Variants in USP7 observed in about 807,000 individuals in gnomAD.
USP7 encodes the protein ubiquitin specific peptidase 7, also known as ubiquitin C-terminal hydrolase 7.
In USP7, 9 loss-of-function variants were observed where a neutral mutation model predicts 162.9. The ratio of observed to expected loss-of-function variants is 0.06; its 90% CI spans 0.03 to 0.10. USP7 has a LOEUF of 0.10. USP7 is among the 10% of genes least tolerant of loss of function. USP7 has a pLI of 1.00. For synonymous variants in USP7, 562 were observed against 475.9 expected (o/e 1.18, Z -2.35); for missense variants, 715 against 1,373.7 (o/e 0.52, Z 7.58).
Position 8,930,410 on chromosome 16 carries a change from A to G in USP7, c.80-13T>C. On this transcript the variant is annotated splice_polypyrimidine_tract_variant and intron_variant, in intron 1 of 30. Coordinates refer to ENST00000344836, the MANE Select transcript of USP7 (RefSeq NM_003470.3). ...TCTGTATCTCCCGCTTTAAAGAAGA[A>G]AAAGAAATTCCACGGGTTTTACATT... The G allele has an allele frequency of 6.3e-7, 1 of 1,594,176 alleles. No individual in the cohort carries two copies. The highest frequency in any genetic ancestry group is 8.5e-7 in the Non-Finnish European group (1 of 1,169,742).
intron 1 of USP7, among the ~76,000 whole-genome samples, chr16:8,933,112 G>C (rs554953059): frequency 3.5e-4 from 53 of 152,168 alleles, no homozygotes; most frequent in African/African-American, 1.2e-3. Flanking sequence ...GGCTAATTTT[G>C]TATTTTTAGT....
At chr16:8,959,679 A>C (rs1264458139) in intron 1 of USP7, among the ~76,000 whole-genome samples, 2 of 152,244 alleles carry the variant, frequency 1.3e-5, no homozygotes, top group African/African-American at 4.8e-5. Flanking sequence ...TGCTATTTGA[A>C]AGAATCTTCT....
intron 2 of USP7, among the ~76,000 whole-genome samples, chr16:8,928,769 T>C (rs558767214): frequency 6.6e-6 from 1 of 152,310 alleles, no homozygotes; most frequent in East Asian, 1.9e-4. Flanking sequence ...GCATTTCCAC[T>C]TTCGGGTCCT....
chr16:8,897,699 A>C (rs11075008), intron 25 of USP7, among the ~76,000 whole-genome samples: 2,784 of 24,468 alleles, frequency 0.11, 86 homozygotes, highest in East Asian at 0.15. Flanking sequence ...CTGTCTCTAC[A>C]AAAAAAAAAA....
intron 12 of USP7, among the ~76,000 whole-genome samples, chr16:8,907,414 C>A (rs1444072387): frequency 6.6e-6 from 1 of 152,208 alleles, no homozygotes; most frequent in Non-Finnish European, 1.5e-5. Context: ...GATTTGATTA[C>A]ACTCTCCCTT....
intron 1 of USP7, among the ~76,000 whole-genome samples, chr16:8,937,964 T>A (rs1898843281): frequency 6.6e-6 from 1 of 152,102 alleles, no homozygotes; most frequent in Non-Finnish European, 1.5e-5. Context: ...ATTTCATGAA[T>A]CAGTAACTCC....
At chr16:8,931,070 T>C (rs1898303213) in intron 1 of USP7, among the ~76,000 whole-genome samples, 1 of 152,160 alleles carries the variant, frequency 6.6e-6, no homozygotes, top group South Asian at 2.1e-4. Context: ...TATTTTACTA[T>C]AGGTTTCCTA....
chr16:8,963,247 GC>G lies in USP7; in HGVS notation c.38del (p.Gly13AlafsTer5). Reference protein sequence around the residue: ...HQQQQQQQKAGEQQLSEPEDM... With the variant: ...HQQQQQQQKAXEQQLSEPEDM... Reference sequence around the variant, plus strand: ...CCTCGGGCTCGCTCAACTGCTGCTCGCCCGCTTTCTGCTGCTGCTGCTGCTG... The same window carrying G: ...CCTCGGGCTCGCTCAACTGCTGCTCGCCGCTTTCTGCTGCTGCTGCTGCTG... On this transcript the variant is annotated frameshift_variant, in exon 1 of 31. Coordinates refer to ENST00000344836, the MANE Select transcript of USP7 (RefSeq NM_003470.3). LOFTEE classifies it high-confidence loss of function. The G allele has an allele frequency of 7.2e-7, 1 of 1,388,832 alleles. No homozygotes were observed. The highest frequency in any genetic ancestry group is 9.4e-7 in the Non-Finnish European group (1 of 1,060,174). 86.0% of individuals were successfully genotyped at this position (1,388,832 alleles called of 1,614,324 possible). A position where few individuals can be genotyped will look rare whatever the true frequency, so the allele number is the denominator to read the frequency against.
intron 1 of USP7, among the ~76,000 whole-genome samples, chr16:8,960,366 A>C (rs1405617159): frequency 6.6e-6 from 1 of 152,208 alleles, no homozygotes; most frequent in African/African-American, 2.4e-5. Flanking sequence ...AAAAATAACT[A>C]TTCCAGAGCA....
At position 8,915,432 on chromosome 16, in the gene USP7, G is replaced by T. The variant is rs1290216336; in HGVS notation, c.987+13C>A. 6.2e-7 allele frequency: 1 copy of T among 1,613,706 alleles called. No homozygotes were observed. Among genetic ancestry groups the T allele is most frequent in the Admixed American group, 1.7e-5 (1 of 59,990 alleles). ...CCTTTAAAAATCATCTTTTAGAACT[G>T]GTAGCCACATACCACCATTTTGCCG... On this transcript the variant is annotated intron_variant, in intron 9 of 30. Transcript: ENST00000344836.
chr16:8,934,210 A>T (rs1361948313), intron 1 of USP7, among the ~76,000 whole-genome samples: 1 of 152,204 alleles, frequency 6.6e-6, no homozygotes, highest in Non-Finnish European at 1.5e-5. Context: ...TTCATGTCTA[A>T]AATCAGGATC....
At chr16:8,939,713 C>T (rs1898944543) in intron 1 of USP7, among the ~76,000 whole-genome samples, 1 of 152,168 alleles carries the variant, frequency 6.6e-6, no homozygotes, top group African/African-American at 2.4e-5. Context: ...TGCACTTTTT[C>T]TCATGAAGGA....
chr16:8,954,478 T>C (rs928084201), intron 1 of USP7, among the ~76,000 whole-genome samples: 2 of 152,182 alleles, frequency 1.3e-5, no homozygotes, highest in African/African-American at 4.8e-5. Context: ...GGGACCACAA[T>C]ACAGCTTGTG....
At chr16:8,920,504 A>G in intron 4 of USP7, 57 bp from the exon 5 acceptor site, 5 of 1,443,932 alleles carry the variant, frequency 3.5e-6, no homozygotes, top group Non-Finnish European at 4.8e-6. Context: ...TTTATTCCCA[A>G]GAGACAAATT....
At chr16:8,919,309 G>T (rs1390472710) in intron 5 of USP7, among the ~76,000 whole-genome samples, 170 bp from the exon 6 acceptor site, 1 of 151,908 alleles carries the variant, frequency 6.6e-6, no homozygotes, top group African/African-American at 2.4e-5. Context: ...TCCAGTGTGT[G>T]AACTGGTGCA....
rs1338499737 is a variant in USP7, at chr16:8,892,680, C to T, written c.*1318G>A. The T allele has an allele frequency of 6.6e-6, 1 of 150,686 alleles. No homozygotes were observed. The highest frequency in any genetic ancestry group is 1.5e-5 in the Non-Finnish European group (1 of 67,784). 9.3% of individuals were successfully genotyped at this position (150,686 alleles called of 1,614,324 possible). A position where few individuals can be genotyped will look rare whatever the true frequency, so the allele number is the denominator to read the frequency against. ...AACGGAATTAGAAGGAAAAGTACAT[C>T]TCAGTGAAACCTTGTTACAAATGCC... On this transcript the variant is annotated 3_prime_UTR_variant, in exon 31 of 31. Transcript: ENST00000344836.
chr16:8,951,008 C>T lies in USP7; in HGVS notation c.79+12199G>A, dbSNP rs911082640. 1.3e-5 allele frequency among the ~76,000 whole-genome samples: 2 copies of T among 152,160 alleles called. 1 individual carries two copies. Among genetic ancestry groups the T allele is most frequent in the African/African-American group, 4.8e-5 (2 of 41,424 alleles). Reference sequence around the variant, plus strand: ...TGAAAAAACTGATCTGATGCAACGTCCCAAGAATTCACAGCTCTTGTGCAT... The same window carrying T: ...TGAAAAAACTGATCTGATGCAACGTTCCAAGAATTCACAGCTCTTGTGCAT... On this transcript the variant is annotated intron_variant, in intron 1 of 30. Coordinates refer to ENST00000344836, the MANE Select transcript of USP7 (RefSeq NM_003470.3).
chr16:8,926,558 C>T (rs1898009829), intron 2 of USP7, among the ~76,000 whole-genome samples: 1 of 152,144 alleles, frequency 6.6e-6, no homozygotes, highest in Admixed American at 6.6e-5. Flanking sequence ...ATACGGCCAG[C>T]CAGATTGTCC....
Position 8,963,263 on chromosome 16 carries a change from T to C in USP7, c.23A>G (p.Gln8Arg). Residue 8 changes from glutamine (Q) to arginine (R), a missense_variant, in exon 1 of 31, where the codon CAG (glutamine) becomes CGG (arginine). Around this residue, in one of 11 missense-constraint regions of USP7, gnomAD observed 137 missense variants for 123.5 expected, o/e 1.11. Coordinates refer to ENST00000344836, the MANE Select transcript of USP7 (RefSeq NM_003470.3). Reference sequence around the variant, plus strand: ...CTGCTGCTCGCCCGCTTTCTGCTGCTGCTGCTGCTGCTGGTGGTTCATGTC... The same window carrying C: ...CTGCTGCTCGCCCGCTTTCTGCTGCCGCTGCTGCTGCTGGTGGTTCATGTC... Reference protein sequence around the residue: MNHQQQQQQQKAGEQQLS... With the variant: MNHQQQQRQQKAGEQQLS... 1 of 1,360,042 alleles carries C rather than the reference T, an allele frequency of 7.4e-7. No homozygotes were observed. Among genetic ancestry groups the C allele is most frequent in the Non-Finnish European group, 9.6e-7 (1 of 1,043,340 alleles). 84.2% of individuals were successfully genotyped at this position (1,360,042 alleles called of 1,614,324 possible).
Sources: gnomAD v4.1 joint callset for allele counts (sites outside exome capture counted in the v4.1 genomes callset) on GRCh38, gnomAD v4.1.1 for gene constraint, gnomAD v4.1.1 regional missense constraint, MANE v1.5 for transcripts, NCBI Gene and HGNC (gene_info 2026-07-23, HGNC 2026-07-21) for gene names.